C1orf146: variants seen among roughly 807,000 people sequenced by gnomAD.
The protein encoded by C1orf146 is protein SPO16 homolog.
C1orf146 carries 22 observed loss-of-function variants against 23.0 expected under a neutral mutation model. The ratio of observed to expected loss-of-function variants is 0.96; its 90% CI spans 0.68 to 1.36. C1orf146 has a LOEUF of 1.36. C1orf146 is among the 40% of genes most tolerant of loss of function. The pLI is 0.00. For missense variants in C1orf146, 199 were observed against 206.8 expected, an observed-to-expected ratio of 0.96 and a Z score of 0.23; for synonymous variants, 59 against 65.3, an observed-to-expected ratio of 0.90 and a Z score of 0.47.
chr1:92,227,342 A>G (rs2100731724), intron 1 of C1orf146, among the ~76,000 whole-genome samples: 1 of 152,204 alleles, frequency 6.6e-6, no homozygotes, highest in East Asian at 1.9e-4. Context: ...GGAGTTTGAG[A>G]CCATCCTGGC....
At chr1:92,222,758 T>C (rs1409678959) in intron 1 of C1orf146, among the ~76,000 whole-genome samples, 1 of 151,796 alleles carries the variant, frequency 6.6e-6, no homozygotes, top group Non-Finnish European at 1.5e-5. Context: ...GGCTAATTTT[T>C]TGTATTTTTA....
intron 2 of C1orf146, among the ~76,000 whole-genome samples, chr1:92,238,504 G>A (rs1652350850): frequency 1.3e-5 from 2 of 152,236 alleles, no homozygotes; most frequent in Admixed American, 1.3e-4. Flanking sequence ...AATATTCTAT[G>A]AAACATATTT....
chr1:92,224,778 C>T (rs916424113), intron 1 of C1orf146, among the ~76,000 whole-genome samples: 6 of 151,920 alleles, frequency 3.9e-5, no homozygotes, highest in South Asian at 2.1e-4. Context: ...TCGTTTGAGA[C>T]GGAGTCTTGC....
At chr1:92,239,397 A>C (rs977010419) in intron 2 of C1orf146, among the ~76,000 whole-genome samples, 1 of 152,182 alleles carries the variant, frequency 6.6e-6, no homozygotes, top group African/African-American at 2.4e-5. Context: ...TTAATTCTGT[A>C]AGAAAATTAA....
chr1:92,227,263 C>T (rs967380075), intron 1 of C1orf146, among the ~76,000 whole-genome samples: 4 of 152,164 alleles, frequency 2.6e-5, no homozygotes, highest in Non-Finnish European at 5.9e-5. Flanking sequence ...TGGTATTTGG[C>T]CGGGCGTGGT....
intron 2 of C1orf146, among the ~76,000 whole-genome samples, chr1:92,233,227 G>T (rs1266855931): frequency 6.6e-6 from 1 of 152,196 alleles, no homozygotes; most frequent in East Asian, 1.9e-4. Context: ...TTCTTCTAGG[G>T]TTTTTATGAT....
rs765826184 is a variant in C1orf146, at chr1:92,231,412, CACAG to C, written c.-3_1del. 1.7e-5 allele frequency: 28 copies of C among 1,601,572 alleles called. No homozygotes were observed. Among genetic ancestry groups the C allele is most frequent in the Non-Finnish European group, 1.2e-5 (14 of 1,173,230 alleles). ...TGCACCATTAGAAGCTAGGTTGATC[CACAG>C]ACAGATGGCTGAAAGTGGAAAAGAA... On this transcript the variant is annotated 5_prime_UTR_variant, in exon 2 of 6. Coordinates refer to ENST00000370375, the MANE Select transcript of C1orf146 (RefSeq NM_001012425.2).
At position 92,237,008 on chromosome 1, in the gene C1orf146, G is replaced by A. The variant is rs183535243; in HGVS notation, c.67-5204G>A. 6.0e-4 allele frequency among the ~76,000 whole-genome samples: 91 copies of A among 152,036 alleles called. 1 individual carries two copies. The highest frequency in any genetic ancestry group is 2.0e-3 in the African/African-American group (82 of 41,484). On this transcript the variant is annotated intron_variant, in intron 2 of 5. Transcript: ENST00000370375. ...TATTGTTTATTCTAGTTATACGTTC[G>A]CCTAAATTTTTTTCAAAGTTTTTAA...
intron 1 of C1orf146, among the ~76,000 whole-genome samples, chr1:92,226,089 T>C (rs900328046): frequency 6.6e-6 from 1 of 152,240 alleles, no homozygotes; most frequent in African/African-American, 2.4e-5. Context: ...GTACATCCAC[T>C]GTGAGGTACA....
intron 1 of C1orf146, among the ~76,000 whole-genome samples, chr1:92,227,940 G>A (rs1264016482): frequency 6.6e-6 from 1 of 151,802 alleles, no homozygotes; most frequent in Non-Finnish European, 1.5e-5. Context: ...GTCAATTTTG[G>A]AAAATTGACT....
At chr1:92,244,730 A>ACAGATGTCAGCAAGTTATAT (rs750999019) in intron 4 of C1orf146, 49 bp from the exon 5 acceptor site, 4 of 1,183,990 alleles carry the variant, frequency 3.4e-6, no homozygotes, top group Non-Finnish European at 5.0e-6. Context: ...TCTTAAGAGA[A>ACAGATGTCAGCAAGTTATAT]CAGATGTCAG....
intron 1 of C1orf146, among the ~76,000 whole-genome samples, chr1:92,230,514 G>A (rs1652093611): frequency 1.3e-5 from 2 of 151,882 alleles, no homozygotes; most frequent in Admixed American, 1.3e-4. Context: ...TACTTGGGAG[G>A]CTGAGGCAGG....
At chr1:92,236,740 G>T (rs1346336841) in intron 2 of C1orf146, among the ~76,000 whole-genome samples, 1 of 152,126 alleles carries the variant, frequency 6.6e-6, no homozygotes, top group Admixed American at 6.5e-5. Flanking sequence ...TCACTTTCAG[G>T]TACACCAATC....
rs149217571 is a variant in C1orf146, at chr1:92,226,591, C to T, written c.-39-4791C>T. 2.0e-3 allele frequency among the ~76,000 whole-genome samples: 311 copies of T among 152,288 alleles called. 2 individuals carry two copies. The highest frequency in any genetic ancestry group is 6.8e-3 in the Middle Eastern group (2 of 294). On this transcript the variant is annotated intron_variant, in intron 1 of 5. Coordinates refer to ENST00000370375, the MANE Select transcript of C1orf146 (RefSeq NM_001012425.2). ...ATGGATGCAAGTTAACATATGGTAG[C>T]AACTTTCTTTTGGTTAATGGTTGTG...
Position 92,245,587 on chromosome 1 carries a change from A to T in C1orf146, c.456A>T (p.Thr152=), listed in dbSNP as rs748972495. Residue 152 remains threonine (T), a synonymous_variant, in exon 6 of 6, where the codon ACA becomes ACT. Coordinates refer to ENST00000370375, the MANE Select transcript of C1orf146 (RefSeq NM_001012425.2). ...ATAGCATTTGCTACAGAATGATAAC[A>T]GCTAAAGCTTACATCATTGAGCAAA... ...YIDSICYRMI[T]AKAYIIEQSP... is the part of the protein sequence containing the mutation. The T allele has an allele frequency of 6.2e-7, 1 of 1,600,234 alleles. No homozygotes were observed. The highest frequency in any genetic ancestry group is 8.5e-7 in the Non-Finnish European group (1 of 1,174,626).
At chr1:92,235,228 C>T (rs1488072267) in intron 2 of C1orf146, among the ~76,000 whole-genome samples, 1 of 152,034 alleles carries the variant, frequency 6.6e-6, no homozygotes, top group African/African-American at 2.4e-5. Context: ...ATCTTTCCTG[C>T]TTTCTCTTGT....
chr1:92,228,476 C>T (rs554676681), intron 1 of C1orf146, among the ~76,000 whole-genome samples: 1 of 152,130 alleles, frequency 6.6e-6, no homozygotes, highest in African/African-American at 2.4e-5. Context: ...ACCTAAGGCT[C>T]TGGATAATAT....
chr1:92,231,520 TAAAA>T, intron 2 of C1orf146, 34 bp downstream of exon 2: 1 of 1,446,798 alleles, frequency 6.9e-7, no homozygotes, highest in Non-Finnish European at 9.5e-7. Context: ...ATCTTTAACT[TAAAA>T]AAATTAAAAG....
chr1:92,240,950 C>A (rs551401426), intron 2 of C1orf146: 2 of 462,058 alleles, frequency 4.3e-6, no homozygotes, highest in South Asian at 3.1e-5. Context: ...AGTATTAAAA[C>A]CAAGAGTCCT....
Sources: gnomAD v4.1 joint callset for allele counts (sites outside exome capture counted in the v4.1 genomes callset) on GRCh38, gnomAD v4.1.1 for gene constraint, MANE v1.5 for transcripts, NCBI Gene and HGNC (gene_info 2026-07-23, HGNC 2026-07-21) for gene names.